Variants in SPATA13 observed in about 807,000 individuals in gnomAD.
The protein encoded by SPATA13 is spermatogenesis associated 13.
SPATA13 carries 50 observed loss-of-function variants against 104.0 expected under a neutral mutation model. That is an observed-to-expected ratio of 0.48 (90% CI 0.38 to 0.61). The LOEUF (loss-of-function observed/expected upper bound fraction) is 0.61. Among genes scored for constraint, SPATA13 ranks in the 20% least tolerant of loss-of-function variants. The pLI is 0.00. For synonymous variants in SPATA13, 606 were observed against 667.5 expected (o/e 0.91, Z 1.42); for missense variants, 1,524 against 1,690.6 (o/e 0.90, Z 1.73).
At chr13:24,230,461 C>T (rs369464702) in intron 2 of SPATA13, among the ~76,000 whole-genome samples, 5 of 152,198 alleles carry the variant, frequency 3.3e-5, no homozygotes, top group East Asian at 3.9e-4. Flanking sequence ...TTTAGTGCCC[C>T]GGGCGGCGGT....
At position 24,070,856 on chromosome 13, in the gene SPATA13, C is replaced by T. The variant is rs7997140; in HGVS notation, c.-112+53155C>T. Among the ~76,000 whole-genome samples the T allele has an allele frequency of 7.6e-3, 1,157 of 152,170 alleles. 16 individuals carry two copies. The highest frequency in any genetic ancestry group is 0.026 in the African/African-American group (1,100 of 41,514). ...ACTCAAACCAAAATAGCAGCTCTTC[C>T]TGGATCTCAGAACTGCCGGCCTTCA... On this transcript the variant is annotated intron_variant, in intron 3 of 14. Transcript: ENST00000424834.
chr13:24,123,784 A>G, intron 3 of SPATA13: 1 of 1,129,844 alleles, frequency 8.9e-7, no homozygotes, highest in Non-Finnish European at 1.3e-6. Context: ...GGATTCTTCC[A>G]GGTGAGAGCA....
Position 24,137,095 on chromosome 13 carries a change from G to A in SPATA13, c.-111-85724G>A, listed in dbSNP as rs1427065951. Among the ~76,000 whole-genome samples, 4 of 35,154 alleles carry A rather than the reference G, an allele frequency of 1.1e-4. 2 individuals carry two copies. Among genetic ancestry groups the A allele is most frequent in the African/African-American group, 3.5e-4 (4 of 11,506 alleles). 23.1% of individuals were successfully genotyped at this position (35,154 alleles called of 152,430 possible). On this transcript the variant is annotated intron_variant, in intron 3 of 14. Transcript: ENST00000424834. ...TCCGCCCGCCTCGGCCTCCCAAAGT[G>A]CTGGGATTACAGGCGTGAGCCACCG... is the stretch of plus-strand genomic sequence containing the variant.
intron 2 of SPATA13, among the ~76,000 whole-genome samples, chr13:24,015,066 TG>T (rs1310375463): frequency 6.6e-5 from 10 of 152,056 alleles, no homozygotes; most frequent in African/African-American, 2.2e-4. Context: ...AATTTTTTTG[TG>T]TTTTTAGTAG....
rs1207128067 is a variant in SPATA13, at chr13:24,190,339, T to TAA, written c.-112+29408_-112+29409dup. On this transcript the variant is annotated intron_variant, in intron 1 of 12. Transcript: ENST00000382108. ...ATATAATATTATATATTATTATATA[T>TAA]AATATATAATATTATATATTATTAT... Among the ~76,000 whole-genome samples, 3 of 8,964 alleles carry TAA rather than the reference T, an allele frequency of 3.3e-4. 1 individual carries two copies. Among genetic ancestry groups the TAA allele is most frequent in the African/African-American group, 3.8e-4 (3 of 7,926 alleles). 5.9% of individuals were successfully genotyped at this position (8,964 alleles called of 152,430 possible). A position where few individuals can be genotyped will look rare whatever the true frequency, so the allele number is the denominator to read the frequency against.
intron 1 of SPATA13, among the ~76,000 whole-genome samples, chr13:24,214,179 C>T (rs1170886930): frequency 2.6e-5 from 4 of 152,202 alleles, no homozygotes; most frequent in African/African-American, 7.2e-5. Flanking sequence ...ATCTGTGAAT[C>T]ACAAAGCAGA....
At chr13:24,204,130 G>A (rs570902469) in intron 1 of SPATA13, among the ~76,000 whole-genome samples, 1 of 152,302 alleles carries the variant, frequency 6.6e-6, no homozygotes, top group South Asian at 2.1e-4. Flanking sequence ...CTCATAGGCA[G>A]GTTCTTATTG....
At chr13:24,067,341 ATGT>A (rs1879000751) in intron 3 of SPATA13, among the ~76,000 whole-genome samples, 1 of 152,152 alleles carries the variant, frequency 6.6e-6, no homozygotes, top group Non-Finnish European at 1.5e-5. Flanking sequence ...AGCTATATGT[ATGT>A]ACCCTTTGTA....
chr13:24,202,850 A>G (rs536546332), intron 1 of SPATA13, among the ~76,000 whole-genome samples: 4 of 152,288 alleles, frequency 2.6e-5, no homozygotes, highest in Admixed American at 6.5e-5. Context: ...TAAAAATGGC[A>G]TCATACGGAA....
Position 24,297,646 on chromosome 13 carries a change from T to G in SPATA13, c.3494T>G (p.Leu1165Trp). 2 of 1,614,242 alleles carry G rather than the reference T, an allele frequency of 1.2e-6. No individual in the cohort carries two copies. The highest frequency in any genetic ancestry group is 1.7e-6 in the Non-Finnish European group (2 of 1,180,040). Reference protein sequence around the residue: ...LVSRTTDEVYLFCAKKQEDKA... With the variant: ...LVSRTTDEVYWFCAKKQEDKA... ...AGTAGGACCACAGACGAGGTTTATT[T>G]GTTTTGTGCCAAAAAACAAGAAGAC... Residue 1165 changes from leucine (L) to tryptophan (W), a missense_variant, in exon 11 of 13, where the codon TTG becomes TGG. Leu to Trp is a moderately conservative substitution (Grantham distance 61, BLOSUM62 -2). Around this residue, in one of 2 missense-constraint regions of SPATA13, gnomAD observed 435 missense variants for 554.8 expected, o/e 0.78. Coordinates refer to ENST00000382108, the MANE Select transcript of SPATA13 (RefSeq NM_001166271.3).
At chr13:24,168,631 C>T (rs1287854812) in intron 1 of SPATA13, among the ~76,000 whole-genome samples, 2 of 152,126 alleles carry the variant, frequency 1.3e-5, no homozygotes, top group East Asian at 1.9e-4. Context: ...CATTGTCACT[C>T]GCGTTACCCA....
chr13:24,249,825 G>C lies in SPATA13; in HGVS notation c.2002G>C (p.Asp668His), dbSNP rs377093885. Residue 668 changes from aspartate (D) to histidine (H), a missense_variant, in exon 3 of 13, where the codon GAC becomes CAC. By Grantham distance (81) the Asp-to-His change is moderately conservative. Coordinates refer to ENST00000382108, the MANE Select transcript of SPATA13 (RefSeq NM_001166271.3). ...TGGGACCAACCAGACGGAGGAACTG[G>C]ACAATCTTCTGACCCAAGTAAGATC... ...LYGTNQTEEL[D>H]NLLTQPASRP... 3 of 1,605,982 alleles carry C rather than the reference G, an allele frequency of 1.9e-6. No homozygotes were observed. Among genetic ancestry groups the C allele is most frequent in the African/African-American group, 2.7e-5 (2 of 74,638 alleles).
chr13:24,291,771 A>C (rs1876390780), intron 9 of SPATA13, among the ~76,000 whole-genome samples: 1 of 92,142 alleles, frequency 1.1e-5, no homozygotes, highest in African/African-American at 4.1e-5. Context: ...TTTTTTTGAG[A>C]CGGAGTCTCG....
chr13:24,017,221 G>A (rs1227997729), intron 2 of SPATA13, among the ~76,000 whole-genome samples: 1 of 152,250 alleles, frequency 6.6e-6, no homozygotes, highest in African/African-American at 2.4e-5. Context: ...GCCAGGCACT[G>A]CTCTGAGACG....
At chr13:24,023,713 C>T (rs1877082865) in intron 3 of SPATA13, among the ~76,000 whole-genome samples, 1 of 152,148 alleles carries the variant, frequency 6.6e-6, no homozygotes, top group Admixed American at 6.6e-5. Context: ...TCTGACATTG[C>T]TGGCTTTGAA....
At chr13:24,168,602 C>G (rs1355544611) in intron 1 of SPATA13, among the ~76,000 whole-genome samples, 1 of 150,414 alleles carries the variant, frequency 6.6e-6, no homozygotes, top group Non-Finnish European at 1.5e-5. Context: ...AAAGACCAAC[C>G]TCCATTGTGT....
chr13:24,251,503 G>A, intron 3 of SPATA13: 1 of 985,488 alleles, frequency 1.0e-6, no homozygotes. Flanking sequence ...ACATGAGGCT[G>A]CAGGGTGCGG....
At chr13:24,301,800 C>G (rs1311635484) in intron 12 of SPATA13, among the ~76,000 whole-genome samples, 1 of 152,174 alleles carries the variant, frequency 6.6e-6, no homozygotes, top group Non-Finnish European at 1.5e-5. Context: ...TCTAAATTAC[C>G]TCTGCACAGA....
rs1024748540 is a variant in SPATA13 at position 24,305,693 on chromosome 13, T to C, written c.*2920T>C. 5 of 152,166 alleles carry C rather than the reference T, an allele frequency of 3.3e-5. No individual in the cohort carries two copies. Among genetic ancestry groups the C allele is most frequent in the Admixed American group, 6.5e-5 (1 of 15,284 alleles). 9.4% of individuals were successfully genotyped at this position (152,166 alleles called of 1,614,324 possible). A position where few individuals can be genotyped will look rare whatever the true frequency, so the allele number is the denominator to read the frequency against. On this transcript the variant is annotated 3_prime_UTR_variant, in exon 13 of 13. Transcript: ENST00000382108. Reference sequence around the variant, plus strand: ...TTTAACCTTACTTTACATAATATTATAGATGGGCCAAGAAAAGAAAAGATG... The same window carrying C: ...TTTAACCTTACTTTACATAATATTACAGATGGGCCAAGAAAAGAAAAGATG...
Sources: gnomAD v4.1 joint callset for allele counts (sites outside exome capture counted in the v4.1 genomes callset) on GRCh38, gnomAD v4.1.1 for gene constraint, gnomAD v4.1.1 regional missense constraint, MANE v1.5 for transcripts, NCBI Gene and HGNC (gene_info 2026-07-23, HGNC 2026-07-21) for gene names.